The following TNS1 variants were observed in gnomAD, a reference collection of about 807,000 sequenced individuals.
TNS1 encodes tensin 1.
TNS1 carries 62 observed loss-of-function variants against 168.6 expected under a neutral mutation model. The ratio of observed to expected loss-of-function variants is 0.37; its 90% CI spans 0.30 to 0.45. The LOEUF (loss-of-function observed/expected upper bound fraction) is 0.45, where lower values mean the gene tolerates loss of function less well. TNS1 is among the 20% of genes least tolerant of loss of function. The pLI is 1.00. For synonymous variants in TNS1, 934 were observed against 933.2 expected (o/e 1.00, Z -0.02); for missense variants, 2,240 against 2,339.4 (o/e 0.96, Z 0.88).
At chr2:217,952,795 T>C (rs1053229401) in intron 3 of TNS1, among the ~76,000 whole-genome samples, 9 of 152,182 alleles carry the variant, frequency 5.9e-5, no homozygotes, top group Admixed American at 4.6e-4. Flanking sequence ...GCGAACAGGA[T>C]TGGGGCAAGA....
At chr2:217,823,478 G>A (rs942836799) in intron 22 of TNS1, among the ~76,000 whole-genome samples, 2 of 152,208 alleles carry the variant, frequency 1.3e-5, no homozygotes, top group East Asian at 3.9e-4. Flanking sequence ...TGCTAGCAGG[G>A]TGCTTCCAGC....
intron 3 of TNS1, among the ~76,000 whole-genome samples, chr2:217,943,045 G>A (rs1160533191): frequency 6.6e-6 from 1 of 152,212 alleles, no homozygotes; most frequent in Non-Finnish European, 1.5e-5. Flanking sequence ...ACGGGTGGCA[G>A]GCAGGGCATC....
chr2:217,858,369 G>T (rs1340160536), intron 18 of TNS1: 5 of 258,348 alleles, frequency 1.9e-5, no homozygotes, highest in Non-Finnish European at 3.0e-5. Context: ...CCAAGGTGGG[G>T]TCGTGACAGA....
At chr2:217,842,622 C>T (rs1946131048) in intron 19 of TNS1, among the ~76,000 whole-genome samples, 1 of 152,202 alleles carries the variant, frequency 6.6e-6, no homozygotes. Flanking sequence ...CTGGTCAATT[C>T]AGAACAAGTC....
upstream of TNS1, among the ~76,000 whole-genome samples, chr2:218,006,121 C>T (rs967082624): frequency 1.3e-5 from 2 of 152,230 alleles, no homozygotes; most frequent in African/African-American, 2.4e-5. Flanking sequence ...GACCTCCCTC[C>T]GCTCATCCCT....
intron 3 of TNS1, among the ~76,000 whole-genome samples, chr2:217,944,566 G>C (rs1301932633): frequency 1.3e-5 from 2 of 152,250 alleles, no homozygotes; most frequent in African/African-American, 4.8e-5. Context: ...TGGAGGCCAG[G>C]AATCTCACTT....
rs1454691926 is a variant in TNS1, at chr2:217,801,008, C to T, written c.*3451G>A. Reference sequence around the variant, plus strand: ...CCTCCTGCTTTCACACAACCACTGGCCCCACCATCCCTCTCCTGGCCAGTC... The same window carrying T: ...CCTCCTGCTTTCACACAACCACTGGTCCCACCATCCCTCTCCTGGCCAGTC... On this transcript the variant is annotated 3_prime_UTR_variant, in exon 33 of 33. Coordinates refer to ENST00000682258, the MANE Select transcript of TNS1 (RefSeq NM_001387777.1). 3 of 152,180 alleles carry T rather than the reference C, an allele frequency of 2.0e-5. No homozygotes were observed. The highest frequency in any genetic ancestry group is 4.8e-5 in the African/African-American group (2 of 41,436). 9.4% of individuals were successfully genotyped at this position (152,180 alleles called of 1,614,324 possible).
chr2:217,844,845 A>G (rs1313976957), intron 19 of TNS1, among the ~76,000 whole-genome samples: 1 of 152,228 alleles, frequency 6.6e-6, no homozygotes, highest in Non-Finnish European at 1.5e-5. Context: ...CAGCCACAGA[A>G]TCAGGGACAT....
chr2:217,968,686 T>C (rs139403858), intron 3 of TNS1, among the ~76,000 whole-genome samples: 1 of 152,126 alleles, frequency 6.6e-6, no homozygotes, highest in African/African-American at 2.4e-5. Flanking sequence ...CTCAAAATTG[T>C]TTTTTGGTGT....
At chr2:217,952,377 T>C (rs1483130376) in intron 3 of TNS1, among the ~76,000 whole-genome samples, 1 of 152,142 alleles carries the variant, frequency 6.6e-6, no homozygotes, top group Non-Finnish European at 1.5e-5. Context: ...GATTCCCAAG[T>C]TTGTACTCTT....
intron 22 of TNS1, among the ~76,000 whole-genome samples, chr2:217,825,038 C>A (rs1057182742): frequency 6.6e-6 from 1 of 152,198 alleles, no homozygotes; most frequent in African/African-American, 2.4e-5. Flanking sequence ...ACCTCAGAGG[C>A]ACACATCCAT....
chr2:217,996,091 A>G (rs1958463960), intron 1 of TNS1, among the ~76,000 whole-genome samples: 2 of 152,112 alleles, frequency 1.3e-5, no homozygotes, highest in Admixed American at 1.3e-4. Flanking sequence ...GCAGAGCAGC[A>G]GTGAGGGTTG....
Position 217,880,774 on chromosome 2 carries a change from T to C in TNS1, c.1429+124A>G. 1.4e-6 allele frequency: 1 copy of C among 728,288 alleles called. No homozygotes were observed. Among genetic ancestry groups the C allele is most frequent in the African/African-American group, 1.7e-5 (1 of 57,184 alleles). 45.1% of individuals were successfully genotyped at this position (728,288 alleles called of 1,614,324 possible). On this transcript the variant is annotated intron_variant, in intron 18 of 32. Coordinates refer to ENST00000682258, the MANE Select transcript of TNS1 (RefSeq NM_001387777.1). This position sits in a 1 kb window ranked among gnomAD's most constrained non-coding sequence, Gnocchi z 4.2. ...TTAACGGTGAGCTCTCGGAGGTACC[T>C]CACACTTCCCCTCTGCCTCCTCTCG...
chr2:217,868,347 G>C (rs1389696370), intron 18 of TNS1, among the ~76,000 whole-genome samples: 8 of 152,216 alleles, frequency 5.3e-5, no homozygotes, highest in Non-Finnish European at 8.8e-5. Context: ...CCTGAGCAGA[G>C]GAAGTGGGTC....
At chr2:218,026,736 G>A (rs1027928909) in intron 1 of TNS1, among the ~76,000 whole-genome samples, 6 of 152,220 alleles carry the variant, frequency 3.9e-5, no homozygotes, top group Admixed American at 3.9e-4. Context: ...ACCCAGATCA[G>A]GAGACTCCAG....
chr2:217,969,027 C>A (rs973340085), intron 3 of TNS1, among the ~76,000 whole-genome samples: 1 of 152,124 alleles, frequency 6.6e-6, no homozygotes, highest in East Asian at 1.9e-4. Flanking sequence ...CAATACTCCC[C>A]CAGTTGGCCC....
chr2:218,031,508 ATGAG>A (rs1159833813), intron 1 of TNS1, among the ~76,000 whole-genome samples: 1 of 146,540 alleles, frequency 6.8e-6, no homozygotes, highest in Non-Finnish European at 1.5e-5. Flanking sequence ...GTCTGTGTGT[ATGAG>A]TGTGTCTTGT....
At chr2:217,972,538 G>A (rs1170517853) in intron 3 of TNS1, among the ~76,000 whole-genome samples, 1 of 152,220 alleles carries the variant, frequency 6.6e-6, no homozygotes, top group Non-Finnish European at 1.5e-5. Context: ...TACAGGGGAG[G>A]AGACCAAGCT....
chr2:217,877,209 G>A (rs1037356099), intron 18 of TNS1, among the ~76,000 whole-genome samples: 10 of 152,094 alleles, frequency 6.6e-5, no homozygotes, highest in Admixed American at 3.9e-4. Context: ...AGCTGGACCC[G>A]TCCCACCATA....
Sources: allele counts gnomAD v4.1 joint callset (sites outside exome capture counted in the v4.1 genomes callset), GRCh38; gene constraint gnomAD v4.1.1; non-coding constraint Gnocchi (gnomAD v3.1); transcripts MANE v1.5; gene names NCBI Gene and HGNC (gene_info 2026-07-23, HGNC 2026-07-21).